The following OSBPL2 variants were observed in gnomAD, a reference collection of about 807,000 sequenced individuals.
The protein encoded by OSBPL2 is oxysterol-binding protein-related protein 2.
A neutral mutation model predicts 58.4 loss-of-function variants in OSBPL2; 18 were observed. The observed-to-expected ratio is 0.31, with a 90% CI of 0.21 to 0.46. OSBPL2 has a LOEUF of 0.46. Among genes scored for constraint, OSBPL2 ranks in the 20% least tolerant of loss-of-function variants. The pLI is 1.00. For synonymous variants in OSBPL2, 221 were observed against 234.1 expected (o/e 0.94, Z 0.51); for missense variants, 461 against 616.5 (o/e 0.75, Z 2.67).
At chr20:62,245,213 C>G (rs1217604738) in intron 1 of OSBPL2, among the ~76,000 whole-genome samples, 1 of 152,090 alleles carries the variant, frequency 6.6e-6, no homozygotes, top group Non-Finnish European at 1.5e-5. Context: ...ATTCTTGTGC[C>G]TCAGCCTTCT....
intron 1 of OSBPL2, among the ~76,000 whole-genome samples, chr20:62,243,822 A>AT (rs898875327): frequency 2.0e-5 from 3 of 148,150 alleles, no homozygotes; most frequent in African/African-American, 7.5e-5. Context: ...TGAACGAAAA[A>AT]TTTTTTTTCC....
At chr20:62,245,268 A>G (rs567609447) in intron 1 of OSBPL2, among the ~76,000 whole-genome samples, 62 of 151,720 alleles carry the variant, frequency 4.1e-4, no homozygotes, top group Middle Eastern at 3.4e-3. Flanking sequence ...ATTTTTTTGT[A>G]TTTTTAGTAG....
chr20:62,276,047 G>A (rs1043357260), intron 6 of OSBPL2, among the ~76,000 whole-genome samples: 5 of 152,066 alleles, frequency 3.3e-5, no homozygotes, highest in African/African-American at 1.2e-4. Context: ...TTCCTGAGTA[G>A]TTGGGATTAC....
At chr20:62,261,805 G>A (rs1389831525) in intron 3 of OSBPL2, among the ~76,000 whole-genome samples, 15 of 152,086 alleles carry the variant, frequency 9.9e-5, no homozygotes, top group Non-Finnish European at 1.3e-4. Flanking sequence ...TCACTCTGTC[G>A]CCCAGGCTGG....
At chr20:62,238,747 G>C (rs1245240990) in intron 1 of OSBPL2, 150 bp downstream of exon 1, 2 of 151,010 alleles carry the variant, frequency 1.3e-5, no homozygotes, top group Non-Finnish European at 3.0e-5. Flanking sequence ...CCCCGGCCCC[G>C]GCCCCGGCCT....
chr20:62,273,292 C>T lies in OSBPL2; in HGVS notation c.394-17C>T, dbSNP rs2236526. 714,331 of 1,600,314 alleles carry T rather than the reference C, an allele frequency of 0.45. 164,091 individuals are homozygous for T. Among genetic ancestry groups the T allele is most frequent in the East Asian group, 0.53 (23,565 of 44,192 alleles). On this transcript the variant is annotated splice_polypyrimidine_tract_variant and intron_variant, in intron 5 of 13. Coordinates refer to ENST00000313733, the MANE Select transcript of OSBPL2 (RefSeq NM_144498.4). Reference sequence around the variant, plus strand: ...CTAACTGAAGCTGTGCCTGTCCCCCCCGTGGATTATTTACAGTCTGTGGCT... The same window carrying T: ...CTAACTGAAGCTGTGCCTGTCCCCCTCGTGGATTATTTACAGTCTGTGGCT...
chr20:62,264,861 A>G (rs968651150), intron 4 of OSBPL2: 5 of 152,112 alleles, frequency 3.3e-5, no homozygotes, highest in African/African-American at 1.2e-4. Flanking sequence ...TCTGTTACTT[A>G]GTGGACTTTT....
At chr20:62,241,327 G>C (rs553877621) in intron 1 of OSBPL2, among the ~76,000 whole-genome samples, 14 of 152,252 alleles carry the variant, frequency 9.2e-5, no homozygotes, top group Admixed American at 7.2e-4. Context: ...CAAGTAGCTG[G>C]GACTACAGGC....
intron 2 of OSBPL2, among the ~76,000 whole-genome samples, chr20:62,256,608 C>A (rs1006318087): frequency 1.3e-5 from 2 of 152,224 alleles, no homozygotes; most frequent in African/African-American, 4.8e-5. Context: ...GCGCTCACAG[C>A]CGCAGAGTGC....
intron 12 of OSBPL2, chr20:62,291,469 A>G (rs746920110): frequency 2.7e-4 from 148 of 542,004 alleles, no homozygotes; most frequent in Admixed American, 1.0e-3. Flanking sequence ...TAGAACACGC[A>G]GCACATGCAG....
intron 2 of OSBPL2, 148 bp from the exon 3 acceptor site, chr20:62,259,833 T>C (rs1460663126): frequency 1.4e-6 from 1 of 738,330 alleles, no homozygotes; most frequent in Non-Finnish European, 2.2e-6. Flanking sequence ...TGTCTGCTTC[T>C]GGAGAACCAG....
At chr20:62,253,201 C>T (rs1398302476) in intron 1 of OSBPL2, among the ~76,000 whole-genome samples, 1 of 152,272 alleles carries the variant, frequency 6.6e-6, no homozygotes, top group African/African-American at 2.4e-5. Flanking sequence ...GTGCCTTGTT[C>T]ATCCATTTGC....
chr20:62,260,170 A>C, intron 3 of OSBPL2, 45 bp downstream of exon 3: 1 of 1,590,660 alleles, frequency 6.3e-7, no homozygotes. Flanking sequence ...GTCTGTAATC[A>C]CCCCAAAAAT....
intron 1 of OSBPL2, among the ~76,000 whole-genome samples, chr20:62,247,884 C>T (rs866412829): frequency 1.3e-5 from 2 of 151,738 alleles, no homozygotes; most frequent in Admixed American, 6.6e-5. Flanking sequence ...AGGCTGGTCT[C>T]GAACTCCTGA....
At chr20:62,283,185 C>T (rs1408057911) in intron 9 of OSBPL2, among the ~76,000 whole-genome samples, 1 of 152,216 alleles carries the variant, frequency 6.6e-6, no homozygotes, top group Non-Finnish European at 1.5e-5. Flanking sequence ...CGCTGACCTT[C>T]AGTGAGTGCA....
intron 8 of OSBPL2, 45 bp downstream of exon 8, chr20:62,281,210 G>A: frequency 2.1e-6 from 3 of 1,419,822 alleles, no homozygotes; most frequent in Non-Finnish European, 2.0e-6. Flanking sequence ...GCTCCGGGTG[G>A]GGATGGGCGA....
In OSBPL2 at chr20:62,286,689, C is replaced by A; in HGVS notation, c.1103C>A (p.Thr368Asn). Residue 368 changes from threonine (T) to asparagine (N), a missense_variant, in exon 11 of 14, where the codon ACC (threonine) becomes AAC (asparagine). Thr to Asn is a moderately conservative substitution (Grantham distance 65, BLOSUM62 0). Transcript: ENST00000313733. ...PGSKLLWRIN[T>N]RPPNSAQMYN... ...AGCAAGCTGCTCTGGAGGATCAACA[C>A]CCGGCCCCCCAACTCTGCCCAGGTC... 1 of 1,613,152 alleles carries A rather than the reference C, an allele frequency of 6.2e-7. No individual in the cohort carries two copies. The highest frequency in any genetic ancestry group is 8.5e-7 in the Non-Finnish European group (1 of 1,179,538).
intron 1 of OSBPL2, chr20:62,239,185 T>G (rs1450389483): frequency 6.6e-6 from 1 of 152,252 alleles, no homozygotes; most frequent in Non-Finnish European, 1.5e-5. Context: ...CCGCGAGCCC[T>G]TGTCCGTTCC....
intron 1 of OSBPL2, among the ~76,000 whole-genome samples, chr20:62,245,121 G>A (rs564992211): frequency 2.6e-4 from 39 of 149,210 alleles, no homozygotes; most frequent in East Asian, 1.2e-3. Context: ...TTTTTGAGAC[G>A]GTGTCTTGCC....
Sources: allele counts gnomAD v4.1 joint callset (sites outside exome capture counted in the v4.1 genomes callset), GRCh38; gene constraint gnomAD v4.1.1; transcripts MANE v1.5; gene names NCBI Gene and HGNC (gene_info 2026-07-23, HGNC 2026-07-21).